Variants in MGARP observed in about 807,000 individuals in gnomAD.
MGARP encodes the protein protein MGARP.
In MGARP, 12 loss-of-function variants were observed where a neutral mutation model predicts 11.0. That is an observed-to-expected ratio of 1.09 (90% confidence interval 0.70 to 1.77). MGARP has a LOEUF of 1.77. Among genes scored for constraint, MGARP ranks in the 40% most tolerant of loss-of-function variants. The pLI, the probability that MGARP is intolerant of heterozygous loss-of-function variation, is 0.00. For synonymous variants in MGARP, 110 were observed against 115.4 expected, an observed-to-expected ratio of 0.95 and a Z score of 0.30; for missense variants, 283 against 297.8, an observed-to-expected ratio of 0.95 and a Z score of 0.36.
At position 139,266,504 on chromosome 4, in the gene MGARP, A is replaced by C. The variant is rs74409545; in HGVS notation, c.*95T>G. 1.3e-3 allele frequency: 1,546 copies of C among 1,182,474 alleles called. 4 individuals are homozygous for C. In the East Asian group the frequency reaches 0.018, roughly 14 times the overall value. The allele number at this position is 1,182,474 out of a possible 1,614,324, so 73.2% of individuals were successfully genotyped here. A position where few individuals can be genotyped will look rare whatever the true frequency, so the allele number is the denominator to read the frequency against. ...ACCCATTAACGTTTTCTAGAAAATA[A>C]GTCTTTTTTTTTTTAAACTAAGTGT... On this transcript the variant is annotated 3_prime_UTR_variant, in exon 4 of 4. Transcript: ENST00000398955.
intron 1 of MGARP, among the ~76,000 whole-genome samples, chr4:139,277,626 G>A (rs1744892786): frequency 6.6e-6 from 1 of 152,120 alleles, no homozygotes; most frequent in East Asian, 1.9e-4. Flanking sequence ...ACAAATTTTA[G>A]CACATTCATA....
chr4:139,271,923 C>T (rs1376489295), intron 2 of MGARP, among the ~76,000 whole-genome samples: 1 of 152,168 alleles, frequency 6.6e-6, no homozygotes, highest in Non-Finnish European at 1.5e-5. Flanking sequence ...CCTTTTGCAA[C>T]CAGTGAGTTA....
At chr4:139,269,168 A>G (rs2110729671) in intron 2 of MGARP, among the ~76,000 whole-genome samples, 1 of 152,372 alleles carries the variant, frequency 6.6e-6, no homozygotes, top group African/African-American at 2.4e-5. Context: ...TATCTTAGCC[A>G]AAGATAACTA....
intron 3 of MGARP, among the ~76,000 whole-genome samples, chr4:139,268,169 G>A (rs1202398551): frequency 6.6e-6 from 1 of 150,974 alleles, no homozygotes; most frequent in East Asian, 1.9e-4. Flanking sequence ...AAGAAGTGTA[G>A]GAAGGAAGGA....
In MGARP at chr4:139,279,945, T is replaced by C. The variant is rs1744931604; in HGVS notation, c.82+132A>G. 8 of 927,778 alleles carry C rather than the reference T, an allele frequency of 8.6e-6. No homozygotes were observed. In the South Asian group the frequency reaches 1.0e-4, roughly 12 times the overall value. The allele number at this position is 927,778 out of a possible 1,614,324, so 57.5% of individuals were successfully genotyped here. On this transcript the variant is annotated intron_variant, in intron 1 of 3. Transcript: ENST00000398955. ...TTCCCGGGAGTCTCCCCCAGTCTCC[T>C]CGACCTCCAATCCAGGCTTCTGCTG...
chr4:139,267,431 T>C (rs1466577564), intron 3 of MGARP, among the ~76,000 whole-genome samples: 2 of 151,916 alleles, frequency 1.3e-5, no homozygotes, highest in African/African-American at 4.8e-5. Flanking sequence ...AATACAAAAA[T>C]AAGTAGCTAT....
In MGARP at chr4:139,280,133, T is replaced by C. The variant is rs1412669178; in HGVS notation, c.26A>G (p.Lys9Arg). MYLRRAVS[K>R]TLALPLRAPP... ...CGCCCTCAGCGGCAGCGCCAGAGTC[T>C]TGGAGACCGCCCTGCGGAGATACAT... Residue 9 changes from lysine to arginine, a missense_variant, in exon 1 of 4, where the codon AAG (lysine) becomes AGG (arginine). By Grantham distance (26) the Lys-to-Arg change is conservative. Transcript: ENST00000398955. The C allele has an allele frequency of 1.2e-6, 2 of 1,611,426 alleles. No individual in the cohort carries two copies. Among genetic ancestry groups the C allele is most frequent in the Non-Finnish European group, 1.7e-6 (2 of 1,179,596 alleles).
In MGARP at chr4:139,267,637, A is replaced by G. The variant is rs534712164; in HGVS notation, c.281-596T>C. Among the ~76,000 whole-genome samples the G allele has an allele frequency of 3.3e-5, 5 of 152,334 alleles. No individual in the cohort carries two copies. The East Asian group carries it at 9.6e-4, about 29-fold the overall frequency. ...AAAGGGGATTAAAATAAAAAGTTCT[A>G]TGCAAATGCTTATTAGTATTATAAA... On this transcript the variant is annotated intron_variant, in intron 3 of 3. Transcript: ENST00000398955.
rs1744695140 is a variant in MGARP at position 139,266,267 on chromosome 4, T to C, written c.*332A>G. The C allele has an allele frequency of 1.4e-5, 3 of 215,676 alleles. No individual in the cohort carries two copies. The South Asian group carries it at 2.9e-4, about 21-fold the overall frequency. The allele number at this position is 215,676 out of a possible 1,614,324, so 13.4% of individuals were successfully genotyped here. On this transcript the variant is annotated 3_prime_UTR_variant, in exon 4 of 4. Transcript: ENST00000398955. ...GAAATTAAAGTAAATACAGGTTGTATGGATAGCTCAATTTCTTTAATATAA... is the reference window on the plus strand; with the variant it reads ...GAAATTAAAGTAAATACAGGTTGTACGGATAGCTCAATTTCTTTAATATAA...
chr4:139,275,363 A>C lies in MGARP; in HGVS notation c.112T>G (p.Phe38Val). ...ASLRRMSSNR[F>V]PGSSGSNMIY... ...ATATTTGATCCAGATGATCCAGGGA[A>C]TCTGTTAGATGACATCCGGCGCAGA... Residue 38 changes from phenylalanine (F) to valine (V), a missense_variant, in exon 2 of 4, where the codon TTC becomes GTC. Transcript: ENST00000398955. The C allele has an allele frequency of 6.2e-7, 1 of 1,614,066 alleles. No homozygotes were observed. Among genetic ancestry groups the C allele is most frequent in the Admixed American group, 1.7e-5 (1 of 60,008 alleles).
At chr4:139,276,651 A>G (rs1326118626) in intron 1 of MGARP, among the ~76,000 whole-genome samples, 3 of 152,156 alleles carry the variant, frequency 2.0e-5, no homozygotes, top group Non-Finnish European at 4.4e-5. Flanking sequence ...TTTCAAGACC[A>G]GCCTGGGCAA....
At chr4:139,274,461 AT>A (rs1206796593) in intron 2 of MGARP, among the ~76,000 whole-genome samples, 1 of 151,922 alleles carries the variant, frequency 6.6e-6, no homozygotes. Context: ...AGATCTATTA[AT>A]TTTTTTAATA....
chr4:139,271,363 T>C (rs1744778298), intron 2 of MGARP, among the ~76,000 whole-genome samples: 1 of 151,886 alleles, frequency 6.6e-6, no homozygotes, highest in Non-Finnish European at 1.5e-5. Flanking sequence ...TCATCTCTAC[T>C]AAAAATACAA....
chr4:139,271,278 C>A (rs907332257), intron 2 of MGARP, among the ~76,000 whole-genome samples: 2 of 152,272 alleles, frequency 1.3e-5, no homozygotes, highest in South Asian at 4.1e-4. Flanking sequence ...GTAATCTCAG[C>A]ACTTTGGGAG....
chr4:139,268,529 T>G, intron 3 of MGARP, 143 bp downstream of exon 3: 1 of 557,166 alleles, frequency 1.8e-6, no homozygotes, highest in Non-Finnish European at 3.1e-6. Flanking sequence ...ACTTTTCCTT[T>G]CTAAATGAAC....
intron 1 of MGARP, 48 bp from the exon 2 acceptor site, chr4:139,275,440 A>G (rs1337862999): frequency 4.9e-6 from 7 of 1,434,428 alleles, no homozygotes; most frequent in Non-Finnish European, 5.8e-6. Context: ...GTTGAGCAAA[A>G]CTATTTTAAA....
chr4:139,266,422 T>A lies in MGARP; in HGVS notation c.*177A>T. The A allele has an allele frequency of 1.6e-6, 1 of 608,000 alleles. No homozygotes were observed. Among genetic ancestry groups the A allele is most frequent in the South Asian group, 2.1e-5 (1 of 47,550 alleles). The allele number at this position is 608,000 out of a possible 1,614,324, so 37.7% of individuals were successfully genotyped here. On this transcript the variant is annotated 3_prime_UTR_variant, in exon 4 of 4. Coordinates refer to ENST00000398955, the MANE Select transcript of MGARP (RefSeq NM_032623.4). The stretch of plus-strand genomic sequence containing the variant: ...GACAGTAGAAGAGTAGTAAGAAATG[T>A]ACAATCTCAAGTCTCTCAGTCCTAA...
At chr4:139,277,324 A>G (rs1744888827) in intron 1 of MGARP, among the ~76,000 whole-genome samples, 1 of 152,166 alleles carries the variant, frequency 6.6e-6, no homozygotes, top group African/African-American at 2.4e-5. Flanking sequence ...TTTGGATATA[A>G]ATGGCCGTTT....
At chr4:139,272,998 C>T (rs978826966) in intron 2 of MGARP, among the ~76,000 whole-genome samples, 2 of 151,882 alleles carry the variant, frequency 1.3e-5, no homozygotes, top group African/African-American at 2.4e-5. Flanking sequence ...TTCATATTTC[C>T]GTAGGTCCAA....
Sources: gnomAD v4.1 joint callset for allele counts (sites outside exome capture counted in the v4.1 genomes callset) on GRCh38, gnomAD v4.1.1 for gene constraint, MANE v1.5 for transcripts, NCBI Gene and HGNC (gene_info 2026-07-23, HGNC 2026-07-21) for gene names.